The following ATP8B1 variants were observed in gnomAD, a reference collection of about 807,000 sequenced individuals.
The protein encoded by ATP8B1 is ATPase phospholipid transporting 8B1.
Under a neutral mutation model 149.9 loss-of-function variants are expected in ATP8B1, and 80 were observed. That is an observed-to-expected ratio of 0.53 (90% CI 0.45 to 0.64). The LOEUF (loss-of-function observed/expected upper bound fraction) is 0.64. ATP8B1 is among the 30% of genes least tolerant of loss of function. The pLI, the probability that ATP8B1 is intolerant of heterozygous loss-of-function variation, is 0.00. For missense variants in ATP8B1, 1,247 were observed against 1,552.6 expected (o/e 0.80, Z 3.31); for synonymous variants, 536 against 562.8 (o/e 0.95, Z 0.67).
chr18:57,799,108 A>G (rs943660439), intron 1 of ATP8B1, among the ~76,000 whole-genome samples: 1 of 152,174 alleles, frequency 6.6e-6, no homozygotes, highest in African/African-American at 2.4e-5. Context: ...CAGCCTTGTG[A>G]GGCCATACTA....
intron 1 of ATP8B1, among the ~76,000 whole-genome samples, chr18:57,782,080 C>T (rs893284160): frequency 2.0e-5 from 3 of 152,220 alleles, no homozygotes; most frequent in African/African-American, 7.2e-5. Context: ...AAAACCATAC[C>T]TAACCCAGCC....
chr18:57,652,674 C>T lies in ATP8B1; in HGVS notation c.3071G>A (p.Arg1024Lys). 1 of 1,614,134 alleles carries T rather than the reference C, an allele frequency of 6.2e-7. No individual in the cohort carries two copies. The highest frequency in any genetic ancestry group is 8.5e-7 in the Non-Finnish European group (1 of 1,179,972). The change falls in exon 25 of 28, where the codon AGA becomes AAA. Residue 1024 changes from arginine (R) to lysine (K), a missense_variant. Physicochemically the swap from Arg to Lys is conservative, Grantham distance 26 (BLOSUM62 2). This residue lies in a region of ATP8B1 where 230 missense variants were observed against 356.6 expected (regional missense o/e 0.65). Coordinates refer to ENST00000648908, the MANE Select transcript of ATP8B1 (RefSeq NM_001374385.1). ...TCTCTTATAGTTGAATAGTAAGTCTCTTTGTCCCACTATGTATAACCCAGG... is the reference window on the plus strand; with the variant it reads ...TCTCTTATAGTTGAATAGTAAGTCTTTTTGTCCCACTATGTATAACCCAGG... The part of the protein sequence containing the change: ...RFPGLYIVGQ[R>K]DLLFNYKRFF...
At chr18:57,707,629 C>T in intron 2 of ATP8B1, among the ~76,000 whole-genome samples, 1 of 151,380 alleles carries the variant, frequency 6.6e-6, no homozygotes, top group African/African-American at 2.4e-5. Flanking sequence ...CTGCCTCAGC[C>T]TCCTGAGTAG....
intron 16 of ATP8B1, among the ~76,000 whole-genome samples, chr18:57,674,530 G>T (rs1911475249): frequency 6.6e-6 from 1 of 151,774 alleles, no homozygotes; most frequent in Admixed American, 6.6e-5. Context: ...GACTACAGGT[G>T]CCAGCCACCA....
rs1338376721 is a variant in ATP8B1, at chr18:57,680,234, G to A, written c.1630+3802C>T. Among the ~76,000 whole-genome samples the A allele has an allele frequency of 2.7e-4, 35 of 129,900 alleles. 1 individual carries two copies. In the Admixed American group the frequency reaches 3.1e-3, roughly 11 times the overall value. The allele number at this position is 129,900 out of a possible 152,430, so 85.2% of individuals were successfully genotyped here. A position where few individuals can be genotyped will look rare whatever the true frequency, so the allele number is the denominator to read the frequency against. ...AGAGGTTGCAGTGAGCCAAGATTGCGGCACTGTACTCCAACCTGGGCAACA... is the reference window on the plus strand; with the variant it reads ...AGAGGTTGCAGTGAGCCAAGATTGCAGCACTGTACTCCAACCTGGGCAACA... On this transcript the variant is annotated intron_variant, in intron 15 of 27. Transcript: ENST00000648908.
Position 57,661,267 on chromosome 18 carries a change from G to T in ATP8B1, c.2614C>A (p.Gln872Lys). The T allele has an allele frequency of 6.2e-7, 1 of 1,614,004 alleles. No individual in the cohort carries two copies. Among genetic ancestry groups the T allele is most frequent in the Non-Finnish European group, 8.5e-7 (1 of 1,180,022 alleles). ...ACCAGGTCCACCACCATGGCCTTCT[G>T]CTTGGGGGTGACGCGGCAGCAGATG... ...AVICCRVTPKQKAMVVDLVKR... is the reference protein window; with the variant it reads ...AVICCRVTPKKKAMVVDLVKR... Residue 872 changes from glutamine (Q) to lysine (K), a missense_variant, in exon 22 of 28, where the codon CAG becomes AAG. Physicochemically the swap from Gln to Lys is moderately conservative, Grantham distance 53 (BLOSUM62 1). Transcript: ENST00000648908.
intron 13 of ATP8B1, among the ~76,000 whole-genome samples, chr18:57,687,773 ATTTTTTTTTTTT>A (rs11342488): frequency 5.2e-5 from 5 of 95,262 alleles, no homozygotes; most frequent in African/African-American, 1.9e-4. Context: ...GAGACTTCTA[ATTTTTTTTTTTT>A]TTTTTTTTTT....
chr18:57,770,782 G>A (rs1412069222), intron 1 of ATP8B1, among the ~76,000 whole-genome samples: 3 of 152,216 alleles, frequency 2.0e-5, no homozygotes, highest in African/African-American at 7.2e-5. Context: ...ATGTCAACAT[G>A]CCCCAATGTT....
Position 57,655,432 on chromosome 18 carries a change from G to A in ATP8B1, c.2708-15C>T. 1 of 1,608,350 alleles carries A rather than the reference G, an allele frequency of 6.2e-7. No individual in the cohort carries two copies. Among genetic ancestry groups the A allele is most frequent in the Non-Finnish European group, 8.5e-7 (1 of 1,174,732 alleles). On this transcript the variant is annotated splice_polypyrimidine_tract_variant and intron_variant, in intron 22 of 27. Coordinates refer to ENST00000648908, the MANE Select transcript of ATP8B1 (RefSeq NM_001374385.1). ...AATGTGGGCAGCTATGGGGCAGAGG[G>A]AGAAAACACTGTGGATCATAAACCG...
At chr18:57,701,943 C>T (rs1913150385) in intron 4 of ATP8B1, among the ~76,000 whole-genome samples, 1 of 152,170 alleles carries the variant, frequency 6.6e-6, no homozygotes, top group Non-Finnish European at 1.5e-5. Flanking sequence ...GGCAATCCTC[C>T]TGCCTCAGCC....
chr18:57,685,969 C>T (rs905964896), intron 13 of ATP8B1, among the ~76,000 whole-genome samples: 4 of 128,606 alleles, frequency 3.1e-5, no homozygotes, highest in Admixed American at 7.8e-5. Context: ...AATTGTAGGC[C>T]GGGTGTGGTG....
At chr18:57,787,876 G>T (rs554543721) in intron 1 of ATP8B1, among the ~76,000 whole-genome samples, 1 of 152,202 alleles carries the variant, frequency 6.6e-6, no homozygotes, top group African/African-American at 2.4e-5. Flanking sequence ...AGTATCCATT[G>T]TGTAGACATG....
chr18:57,752,207 A>AAATAATAATAATAATAATAATAATAAT (rs74183222), intron 1 of ATP8B1, among the ~76,000 whole-genome samples: 2 of 138,330 alleles, frequency 1.4e-5, no homozygotes, highest in Non-Finnish European at 3.1e-5. Flanking sequence ...ACCCTGTCTC[A>AAATAATAATAATAATAATAATAATAAT]AATAATAATA....
At chr18:57,744,321 A>AAG (rs1440599774) in intron 1 of ATP8B1, among the ~76,000 whole-genome samples, 4 of 151,038 alleles carry the variant, frequency 2.6e-5, no homozygotes, top group African/African-American at 7.3e-5. Flanking sequence ...AAAAAAAAAA[A>AAG]AAAAGAAAGA....
chr18:57,741,579 C>G (rs73445056), intron 1 of ATP8B1, among the ~76,000 whole-genome samples: 5 of 152,180 alleles, frequency 3.3e-5, no homozygotes, highest in South Asian at 2.1e-4. Flanking sequence ...AATCCTAATA[C>G]GGAGAACCCA....
rs1909694221 is a variant in ATP8B1 at position 57,652,569 on chromosome 18, A to G, written c.3176T>C (p.Val1059Ala). 1.2e-6 allele frequency: 2 copies of G among 1,614,092 alleles called. No homozygotes were observed. The highest frequency in any genetic ancestry group is 1.7e-6 in the Non-Finnish European group (2 of 1,180,036). The change falls in exon 25 of 28, where the codon GTA becomes GCA. Residue 1059 changes from valine to alanine, a missense_variant. By Grantham distance (64) the Val-to-Ala change is moderately conservative. Transcript: ENST00000648908. The stretch of plus-strand genomic sequence containing the variant: ...GGAAGGTGCCTCTCCATCCTGCCCT[A>G]CGGTTTGCAGATAAGCTCCAAGAGG... Reference protein sequence around the residue: ...FIPLGAYLQTVGQDGEAPSDY... With the variant: ...FIPLGAYLQTAGQDGEAPSDY...
chr18:57,673,883 A>G (rs1449534524), intron 16 of ATP8B1, among the ~76,000 whole-genome samples: 2 of 152,174 alleles, frequency 1.3e-5, no homozygotes, highest in Non-Finnish European at 2.9e-5. Context: ...TGCATTGCAG[A>G]TATGATTTTG....
chr18:57,732,735 G>A (rs1461393301), intron 1 of ATP8B1, among the ~76,000 whole-genome samples: 1 of 151,806 alleles, frequency 6.6e-6, no homozygotes, highest in Admixed American at 6.6e-5. Flanking sequence ...GCTAATTTTT[G>A]TATTTTTAGT....
chr18:57,796,583 G>A (rs1028857260), intron 1 of ATP8B1, among the ~76,000 whole-genome samples: 9 of 152,136 alleles, frequency 5.9e-5, no homozygotes, highest in African/African-American at 2.2e-4. Context: ...ATAAAGATAG[G>A]GGCATTATTT....
Sources: allele counts gnomAD v4.1 joint callset (sites outside exome capture counted in the v4.1 genomes callset), GRCh38; gene constraint gnomAD v4.1.1; regional missense constraint gnomAD v4.1.1; transcripts MANE v1.5; gene names NCBI Gene and HGNC (gene_info 2026-07-23, HGNC 2026-07-21).